NPAS3: variants seen among roughly 807,000 people sequenced by gnomAD.
The protein encoded by NPAS3 is neuronal PAS domain protein 3, also known as neuronal PAS domain-containing protein 3.
NPAS3 carries 14 observed loss-of-function variants against 73.1 expected under a neutral mutation model. That is an observed-to-expected ratio of 0.19 (90% CI 0.13 to 0.30). NPAS3 has a LOEUF of 0.30. NPAS3 is among the 10% of genes least tolerant of loss of function. The pLI is 1.00. For missense variants in NPAS3, 1,096 were observed against 1,250.0 expected (o/e 0.88, Z 1.86); for synonymous variants, 620 against 541.5 (o/e 1.14, Z -2.01).
At chr14:32,982,559 A>G (rs1177983354) in intron 1 of NPAS3, among the ~76,000 whole-genome samples, 1 of 152,188 alleles carries the variant, frequency 6.6e-6, no homozygotes, top group Non-Finnish European at 1.5e-5. Context: ...AAAGAAAAAA[A>G]AAATCTCTAT....
At chr14:33,107,236 T>A (rs539590625) in intron 2 of NPAS3, among the ~76,000 whole-genome samples, 1 of 151,836 alleles carries the variant, frequency 6.6e-6, no homozygotes, top group East Asian at 1.9e-4. Flanking sequence ...TAAAAAAATA[T>A]ATTTTCTTTT....
At chr14:33,498,423 CAA>C (rs745678823) in intron 4 of NPAS3, among the ~76,000 whole-genome samples, 49 of 152,126 alleles carry the variant, frequency 3.2e-4, no homozygotes, top group Non-Finnish European at 6.5e-4. Context: ...TTCACAATAG[CAA>C]AGTCTTGGAA....
At chr14:33,214,203 T>G (rs2047137905) in intron 2 of NPAS3, 3 of 152,210 alleles carry the variant, frequency 2.0e-5, no homozygotes, top group African/African-American at 2.4e-5. Context: ...TTAAATTTAT[T>G]TCTCATCAGA....
At chr14:33,362,627 G>A (rs992435539) in intron 3 of NPAS3, among the ~76,000 whole-genome samples, 6 of 152,064 alleles carry the variant, frequency 3.9e-5, no homozygotes, top group Non-Finnish European at 8.8e-5. Context: ...GGCTCAGTGT[G>A]GGAACAGATC....
chr14:33,386,414 C>G (rs1419684837), intron 4 of NPAS3, among the ~76,000 whole-genome samples: 1 of 152,078 alleles, frequency 6.6e-6, no homozygotes, highest in Non-Finnish European at 1.5e-5. Flanking sequence ...GTAGATTTAT[C>G]TCTTGTTATT....
chr14:33,384,123 T>G lies in NPAS3; in HGVS notation c.468+16855T>G, dbSNP rs558566030. On this transcript the variant is annotated intron_variant, in intron 4 of 11. Coordinates refer to ENST00000356141, the Ensembl canonical transcript of NPAS3. The stretch of plus-strand genomic sequence containing the variant: ...TAAATTAAAAAGTTTAAAACACCAA[T>G]TAGAAATGATGTCTTGCTGAAGTTA... Among the ~76,000 whole-genome samples the G allele has an allele frequency of 1.9e-3, 295 of 151,934 alleles. 2 individuals are homozygous for G. The South Asian group carries it at 0.029, about 15-fold the overall frequency.
chr14:33,576,754 A>C (rs1053173330), intron 5 of NPAS3, among the ~76,000 whole-genome samples: 3 of 152,236 alleles, frequency 2.0e-5, no homozygotes, highest in African/African-American at 7.2e-5. Context: ...CGAGAATAAA[A>C]CACAATGTTT....
chr14:33,078,641 T>C (rs2041757812), intron 2 of NPAS3, among the ~76,000 whole-genome samples: 1 of 152,092 alleles, frequency 6.6e-6, no homozygotes, highest in African/African-American at 2.4e-5. Context: ...GATTTTTAAG[T>C]AGAGCATTTT....
intron 7 of NPAS3, 103 bp from the exon 8 acceptor site, chr14:33,774,234 A>C: frequency 3.7e-6 from 3 of 812,276 alleles, no homozygotes; most frequent in Non-Finnish European, 6.0e-6. Flanking sequence ...GATACAAGCT[A>C]ATGTTGGTTG....
intron 2 of NPAS3, chr14:33,213,861 T>C (rs2047125094): frequency 6.6e-6 from 1 of 152,216 alleles, no homozygotes; most frequent in African/African-American, 2.4e-5. Flanking sequence ...AGATATTCAG[T>C]AAGATATTTC....
At chr14:33,736,645 C>CTTGTTATT (rs971027901) in intron 7 of NPAS3, among the ~76,000 whole-genome samples, 10 of 152,120 alleles carry the variant, frequency 6.6e-5, no homozygotes, top group Non-Finnish European at 7.4e-5. Flanking sequence ...TGTTGAGATT[C>CTTGTTATT]TTGTTATTTT....
intron 2 of NPAS3, among the ~76,000 whole-genome samples, chr14:33,076,628 A>T (rs952819684): frequency 6.6e-6 from 1 of 152,164 alleles, no homozygotes; most frequent in African/African-American, 2.4e-5. Context: ...CCCATAGGGT[A>T]TAGAGTGTAG....
At chr14:33,462,024 A>G (rs1358935996) in intron 4 of NPAS3, among the ~76,000 whole-genome samples, 2 of 152,232 alleles carry the variant, frequency 1.3e-5, no homozygotes, top group Non-Finnish European at 2.9e-5. Context: ...TTTCAGCCAC[A>G]GATAATGGCA....
At chr14:33,472,999 G>A (rs1169915768) in intron 4 of NPAS3, among the ~76,000 whole-genome samples, 5 of 143,452 alleles carry the variant, frequency 3.5e-5, no homozygotes, top group Non-Finnish European at 5.9e-5. Flanking sequence ...AATTTCCTGC[G>A]GGGGGAACTG....
chr14:33,105,000 G>A (rs1162873180), intron 2 of NPAS3, among the ~76,000 whole-genome samples: 1 of 152,148 alleles, frequency 6.6e-6, no homozygotes, highest in African/African-American at 2.4e-5. Context: ...GCCAACATAG[G>A]AATTTTGGAA....
chr14:33,461,581 T>C lies in NPAS3; in HGVS notation c.468+94313T>C, dbSNP rs989361658. On this transcript the variant is annotated intron_variant, in intron 4 of 11. Transcript: ENST00000356141. The stretch of plus-strand genomic sequence containing the variant: ...CTGATGGGCATGAGGGAAGATTTCA[T>C]GAAGGAGGTGACATTTGGTTAGGAT... Among the ~76,000 whole-genome samples the C allele has an allele frequency of 3.3e-5, 5 of 152,150 alleles. No homozygotes were observed. In the South Asian group the frequency reaches 8.3e-4, roughly 25 times the overall value.
chr14:33,671,412 C>T (rs953904643), intron 5 of NPAS3, among the ~76,000 whole-genome samples: 11 of 152,148 alleles, frequency 7.2e-5, no homozygotes, highest in African/African-American at 2.4e-4. Context: ...GTTACCAAAT[C>T]AGCTGTGTCT....
intron 4 of NPAS3, among the ~76,000 whole-genome samples, chr14:33,496,474 C>T (rs1229706951): frequency 1.3e-5 from 2 of 152,138 alleles, no homozygotes; most frequent in Non-Finnish European, 2.9e-5. Context: ...AAACCGAATA[C>T]AGCAGCACAT....
chr14:33,772,253 G>A (rs1313619922), intron 7 of NPAS3, among the ~76,000 whole-genome samples: 1 of 152,168 alleles, frequency 6.6e-6, no homozygotes, highest in Non-Finnish European at 1.5e-5. Flanking sequence ...GACACAGAGA[G>A]GCTGCGTGAC....
Sources: gnomAD v4.1 joint callset for allele counts (sites outside exome capture counted in the v4.1 genomes callset) on GRCh38, gnomAD v4.1.1 for gene constraint, MANE v1.5 for transcripts, NCBI Gene and HGNC (gene_info 2026-07-23, HGNC 2026-07-21) for gene names.